MYRIP: variants seen among roughly 807,000 people sequenced by gnomAD.
MYRIP encodes myosin VIIA and Rab interacting protein.
In MYRIP, 49 loss-of-function variants were observed where a neutral mutation model predicts 98.0. That is an observed-to-expected ratio of 0.50 (90% CI 0.40 to 0.63). The LOEUF (loss-of-function observed/expected upper bound fraction) is 0.63. Ranked by LOEUF, MYRIP falls within the 30% of genes least tolerant of loss-of-function variation. The pLI, the probability that MYRIP is intolerant of heterozygous loss-of-function variation, is 0.00. For synonymous variants in MYRIP, 404 were observed against 409.5 expected, an observed-to-expected ratio of 0.99 and a Z score of 0.16; for missense variants, 1,004 against 1,058.2, an observed-to-expected ratio of 0.95 and a Z score of 0.71.
chr3:39,884,547 A>C (rs1485427486), intron 1 of MYRIP, among the ~76,000 whole-genome samples: 2 of 152,116 alleles, frequency 1.3e-5, no homozygotes, highest in Non-Finnish European at 2.9e-5. Flanking sequence ...ACCTCACACA[A>C]GCAAGAAGTT....
At chr3:40,186,154 G>A (rs1390940268) in intron 9 of MYRIP, among the ~76,000 whole-genome samples, 1 of 152,194 alleles carries the variant, frequency 6.6e-6, no homozygotes, top group Non-Finnish European at 1.5e-5. Context: ...ATATGCAATT[G>A]AGGAGTGATG....
intron 1 of MYRIP, among the ~76,000 whole-genome samples, chr3:39,856,623 A>G (rs1391438329): frequency 6.6e-6 from 1 of 152,204 alleles, no homozygotes; most frequent in Non-Finnish European, 1.5e-5. Context: ...ACCCAGCCAC[A>G]GATCACAATC....
intron 3 of MYRIP, among the ~76,000 whole-genome samples, chr3:40,098,877 T>G (rs1948885392): frequency 6.7e-6 from 1 of 149,522 alleles, no homozygotes; most frequent in Admixed American, 6.7e-5. Flanking sequence ...AACAGCTATC[T>G]CCAGGCATAT....
chr3:40,006,140 C>A (rs147257109), intron 2 of MYRIP, among the ~76,000 whole-genome samples: 1 of 152,290 alleles, frequency 6.6e-6, no homozygotes, highest in Admixed American at 6.5e-5. Context: ...TTGGAGGCAT[C>A]CAGGCCATGT....
At chr3:39,959,952 T>A (rs954606558) in intron 2 of MYRIP, among the ~76,000 whole-genome samples, 1 of 151,992 alleles carries the variant, frequency 6.6e-6, no homozygotes, top group African/African-American at 2.4e-5. Context: ...ACTTGTGATA[T>A]GAGGTACAAA....
intron 3 of MYRIP, among the ~76,000 whole-genome samples, chr3:40,101,618 GA>G (rs1948947493): frequency 6.6e-6 from 1 of 151,724 alleles, no homozygotes; most frequent in Non-Finnish European, 1.5e-5. Flanking sequence ...CTGTTTTCTG[GA>G]AAATATCCTC....
chr3:40,045,482 C>CAA (rs1947652225), intron 3 of MYRIP, among the ~76,000 whole-genome samples: 1 of 152,108 alleles, frequency 6.6e-6, no homozygotes, highest in Non-Finnish European at 1.5e-5. Context: ...AAGGAGGAAA[C>CAA]TGGGATTATA....
intron 2 of MYRIP, among the ~76,000 whole-genome samples, chr3:39,973,710 G>C (rs181992313): frequency 6.6e-6 from 1 of 151,820 alleles, no homozygotes; most frequent in Non-Finnish European, 1.5e-5. Context: ...ATCTCAGACC[G>C]CAGTGCAATC....
intron 2 of MYRIP, among the ~76,000 whole-genome samples, chr3:39,985,617 T>C (rs1284914022): frequency 9.3e-5 from 13 of 140,180 alleles, no homozygotes; most frequent in South Asian, 2.4e-4. Context: ...GAGATATAGA[T>C]CAATGGAACA....
chr3:39,996,196 T>C (rs967737441), intron 2 of MYRIP, among the ~76,000 whole-genome samples: 13 of 152,144 alleles, frequency 8.5e-5, no homozygotes, highest in Admixed American at 2.6e-4. Flanking sequence ...TAACCTTAAA[T>C]GTAAATGGAC....
chr3:40,124,550 C>A (rs1340598721), intron 3 of MYRIP, among the ~76,000 whole-genome samples: 1 of 152,198 alleles, frequency 6.6e-6, no homozygotes. Context: ...TGCACCTGTG[C>A]CAACCCACAC....
intron 2 of MYRIP, among the ~76,000 whole-genome samples, chr3:39,947,604 T>G (rs1944931924): frequency 6.6e-6 from 1 of 152,074 alleles, no homozygotes; most frequent in South Asian, 2.1e-4. Context: ...CCTGGGAGCT[T>G]GTTAGAAATA....
intron 1 of MYRIP, among the ~76,000 whole-genome samples, chr3:39,900,096 C>T (rs936965546): frequency 6.6e-6 from 1 of 152,226 alleles, no homozygotes; most frequent in Non-Finnish European, 1.5e-5. Flanking sequence ...GCCGGGATTA[C>T]AGGCTTGAGC....
chr3:39,998,790 A>G (rs533446939), intron 2 of MYRIP, among the ~76,000 whole-genome samples: 2 of 152,334 alleles, frequency 1.3e-5, no homozygotes, highest in East Asian at 3.8e-4. Context: ...CTACAAGGCT[A>G]CAGTAACCAA....
At chr3:40,218,598 CATATATATATATTTTATAT>C (rs1251132379) in intron 11 of MYRIP, among the ~76,000 whole-genome samples, 2,343 of 14,146 alleles carry the variant, frequency 0.17, 178 homozygotes, top group Middle Eastern at 0.32. Context: ...CACACACACA[CATATATATATATTTTATAT>C]ATATATATAT....
intron 10 of MYRIP, among the ~76,000 whole-genome samples, chr3:40,193,184 C>T (rs1951290217): frequency 6.6e-6 from 1 of 152,144 alleles, no homozygotes; most frequent in Non-Finnish European, 1.5e-5. Context: ...CAAAAGATTA[C>T]ATTGAGATGG....
At chr3:39,994,407 G>A (rs139674666) in intron 2 of MYRIP, among the ~76,000 whole-genome samples, 5,146 of 152,326 alleles carry the variant, frequency 0.034, 202 homozygotes, top group East Asian at 0.17. Flanking sequence ...TGCCTGGCTC[G>A]GAGGGTCCTA....
At chr3:39,906,062 A>G (rs1202929357) in intron 2 of MYRIP, among the ~76,000 whole-genome samples, 1 of 151,982 alleles carries the variant, frequency 6.6e-6, no homozygotes, top group Non-Finnish European at 1.5e-5. Flanking sequence ...TTTGGGGTCA[A>G]ACAGATATGG....
intron 1 of MYRIP, among the ~76,000 whole-genome samples, chr3:39,886,503 G>A (rs1230811480): frequency 7.3e-5 from 11 of 149,922 alleles, no homozygotes; most frequent in Non-Finnish European, 1.2e-4. Flanking sequence ...GATCTACCAA[G>A]CAAATGGAAA....
Sources: allele counts gnomAD v4.1 joint callset (sites outside exome capture counted in the v4.1 genomes callset), GRCh38; gene constraint gnomAD v4.1.1; transcripts MANE v1.5; gene names NCBI Gene and HGNC (gene_info 2026-07-23, HGNC 2026-07-21).